The following CGGBP1 variants were observed in gnomAD, a reference collection of about 807,000 sequenced individuals.
CGGBP1 encodes the protein CGG triplet repeat-binding protein 1.
Under a neutral mutation model 11.4 loss-of-function variants are expected in CGGBP1, and 4 were observed. That is an observed-to-expected ratio of 0.35 (90% CI 0.17 to 0.80). The LOEUF (loss-of-function observed/expected upper bound fraction) is 0.80, where lower values mean the gene tolerates loss of function less well. Ranked by LOEUF, CGGBP1 falls within the 30% of genes least tolerant of loss-of-function variation. The probability of loss-of-function intolerance (pLI) is 0.52; values close to 1 mark genes in which losing one functional copy is unlikely to be tolerated. For synonymous variants in CGGBP1, 76 were observed against 74.1 expected (o/e 1.03, Z -0.13); for missense variants, 135 against 202.1 (o/e 0.67, Z 2.01).
At chr3:88,065,684 A>G (rs1707156931) in intron 2 of CGGBP1, among the ~76,000 whole-genome samples, 1 of 152,150 alleles carries the variant, frequency 6.6e-6, no homozygotes, top group Non-Finnish European at 1.5e-5. Context: ...AAGTATATAA[A>G]ATAAATTTCA....
At chr3:88,131,278 C>T (rs992699723) in intron 2 of CGGBP1, among the ~76,000 whole-genome samples, 1 of 152,126 alleles carries the variant, frequency 6.6e-6, no homozygotes, top group Non-Finnish European at 1.5e-5. Flanking sequence ...CTGTTGTATA[C>T]GCAGTCTTCT....
upstream of CGGBP1, among the ~76,000 whole-genome samples, chr3:88,060,630 T>C (rs1375314793): frequency 3.9e-5 from 6 of 152,164 alleles, no homozygotes; most frequent in Non-Finnish European, 7.4e-5. Context: ...TCCCCTTCTG[T>C]CAAAGAGGAG....
intron 2 of CGGBP1, among the ~76,000 whole-genome samples, chr3:88,090,742 G>A (rs189645966): frequency 6.6e-6 from 1 of 152,120 alleles, no homozygotes; most frequent in African/African-American, 2.4e-5. Flanking sequence ...CACATAAACA[G>A]CTTTTATCTT....
At chr3:88,127,287 G>A (rs1370441816) in intron 2 of CGGBP1, among the ~76,000 whole-genome samples, 3 of 152,044 alleles carry the variant, frequency 2.0e-5, no homozygotes, top group African/African-American at 7.2e-5. Context: ...AGGGGTTAGG[G>A]TGGGTTGTGA....
chr3:88,100,372 G>T (rs1414795341), intron 2 of CGGBP1, among the ~76,000 whole-genome samples: 1 of 152,196 alleles, frequency 6.6e-6, no homozygotes, highest in Non-Finnish European at 1.5e-5. Flanking sequence ...TACACTGTTG[G>T]TGGGACTGTA....
rs1420809200 is a variant in CGGBP1, at chr3:88,053,139, T to C, written c.*2334A>G. The C allele has an allele frequency of 6.6e-6, 1 of 152,440 alleles. No individual in the cohort carries two copies. Among genetic ancestry groups the C allele is most frequent in the Non-Finnish European group, 1.5e-5 (1 of 68,000 alleles). 9.4% of individuals were successfully genotyped at this position (152,440 alleles called of 1,614,324 possible). On this transcript the variant is annotated 3_prime_UTR_variant, in exon 4 of 4. Coordinates refer to ENST00000482016, the MANE Select transcript of CGGBP1 (RefSeq NM_001008390.2). The stretch of plus-strand genomic sequence containing the variant: ...CGTTCACTACACCTCCAAAGCAGCA[T>C]ATGCCTCTTAGACATCCTCATTTGT...
At chr3:88,085,947 A>T (rs1255161872) in intron 2 of CGGBP1, among the ~76,000 whole-genome samples, 2 of 152,282 alleles carry the variant, frequency 1.3e-5, no homozygotes, top group Non-Finnish European at 2.9e-5. Flanking sequence ...TTAATATTGA[A>T]TAATTGTTAT....
intron 3 of CGGBP1, chr3:88,056,903 T>A (rs1437788402): frequency 1.3e-5 from 2 of 152,190 alleles, no homozygotes; most frequent in Admixed American, 6.5e-5. Flanking sequence ...TAACACACTT[T>A]TATGAGCACT....
Position 88,140,373 on chromosome 3 carries a change from A to G in CGGBP1, c.-229+597T>C, listed in dbSNP as rs745717766. 5 of 1,613,220 alleles carry G rather than the reference A, an allele frequency of 3.1e-6. No individual in the cohort carries two copies. In the East Asian group the frequency reaches 1.1e-4, roughly 36 times the overall value. On this transcript the variant is annotated intron_variant, in intron 2 of 3. Coordinates refer to the CGGBP1 transcript ENST00000462901. ...TCCTAATCAGGAAAAAGACTCATCT[A>G]GTAATGAGAAACAAACTATTAGTCT...
At chr3:88,074,649 A>T (rs1707702630) in intron 2 of CGGBP1, among the ~76,000 whole-genome samples, 1 of 152,078 alleles carries the variant, frequency 6.6e-6, no homozygotes, top group South Asian at 2.1e-4. Flanking sequence ...CCTGTGTCTT[A>T]CTTTCTTAAG....
intron 2 of CGGBP1, among the ~76,000 whole-genome samples, chr3:88,123,011 C>CAAA (rs1289535548): frequency 1.3e-5 from 1 of 76,144 alleles, no homozygotes; most frequent in African/African-American, 4.4e-5. Context: ...CTCTGAGTCT[C>CAAA]AAAAAAAAAA....
chr3:88,060,167 C>T (rs1057439366), upstream of CGGBP1, among the ~76,000 whole-genome samples: 17 of 152,060 alleles, frequency 1.1e-4, no homozygotes, highest in Admixed American at 2.6e-4. Context: ...TTCTAATTAA[C>T]TGCTCATAAT....
chr3:88,059,487 C>T (rs1291643451), upstream of CGGBP1: 1 of 1,499,730 alleles, frequency 6.7e-7, no homozygotes, highest in South Asian at 1.3e-5. Flanking sequence ...GTCGGGATTA[C>T]TGCCGACGCT....
intron 1 of CGGBP1, among the ~76,000 whole-genome samples, chr3:88,147,887 C>G (rs1284975821): frequency 1.3e-5 from 2 of 152,074 alleles, no homozygotes; most frequent in Non-Finnish European, 2.9e-5. Context: ...GTTAAGCATC[C>G]CACAATGCAC....
At chr3:88,093,859 C>T (rs1014471147) in intron 2 of CGGBP1, among the ~76,000 whole-genome samples, 23 of 152,150 alleles carry the variant, frequency 1.5e-4, no homozygotes, top group African/African-American at 3.6e-4. Flanking sequence ...TTGTTTTTTG[C>T]GGGGGCTGGG....
intron 1 of CGGBP1, chr3:88,142,310 G>A (rs1463646278): frequency 6.6e-6 from 1 of 151,240 alleles, no homozygotes; most frequent in Non-Finnish European, 1.5e-5. Flanking sequence ...AAAAACCACA[G>A]TGCTTTGCTA....
At chr3:88,112,529 A>G (rs1347344180) in intron 2 of CGGBP1, among the ~76,000 whole-genome samples, 1 of 55,832 alleles carries the variant, frequency 1.8e-5, no homozygotes, top group Non-Finnish European at 5.5e-5. Flanking sequence ...AAAAGGAGGA[A>G]CTACAGAATT....
At chr3:88,088,934 G>T (rs372045617) in intron 2 of CGGBP1, among the ~76,000 whole-genome samples, 2 of 151,470 alleles carry the variant, frequency 1.3e-5, no homozygotes, top group East Asian at 3.9e-4. Context: ...CACCATGCCT[G>T]GCTAATTTTT....
At chr3:88,135,052 C>T (rs768482517) in intron 2 of CGGBP1, 652 of 1,378,178 alleles carry the variant, frequency 4.7e-4, no homozygotes, top group Non-Finnish European at 5.6e-4. Flanking sequence ...CTTTTTTTCT[C>T]ATTTACAGGG....
Sources: gnomAD v4.1 joint callset for allele counts (sites outside exome capture counted in the v4.1 genomes callset) on GRCh38, gnomAD v4.1.1 for gene constraint, MANE v1.5 for transcripts, NCBI Gene and HGNC (gene_info 2026-07-23, HGNC 2026-07-21) for gene names.